PIBF1: variants seen among roughly 807,000 people sequenced by gnomAD.
PIBF1 encodes the protein progesterone immunomodulatory binding factor 1, also known as progesterone-induced-blocking factor 1.
In PIBF1, 90 loss-of-function variants were observed where a neutral mutation model predicts 112.5. That is an observed-to-expected ratio of 0.80 (90% CI 0.67 to 0.95). The LOEUF (loss-of-function observed/expected upper bound fraction) is 0.95. Among genes scored for constraint, PIBF1 ranks in the 40% least tolerant of loss-of-function variants. The pLI is 0.00. For synonymous variants in PIBF1, 301 were observed against 288.6 expected (o/e 1.04, Z -0.44); for missense variants, 915 against 852.3 (o/e 1.07, Z -0.92).
At chr13:72,909,738 C>A (rs1014530941) in intron 12 of PIBF1, among the ~76,000 whole-genome samples, 6 of 152,012 alleles carry the variant, frequency 3.9e-5, no homozygotes, top group Admixed American at 6.6e-5. Context: ...GTGATCTGCC[C>A]GCCTCGACCT....
At chr13:72,794,760 C>T (rs536292533) in intron 3 of PIBF1, among the ~76,000 whole-genome samples, 2 of 152,186 alleles carry the variant, frequency 1.3e-5, no homozygotes, top group African/African-American at 4.8e-5. Context: ...TCCAGTAAAC[C>T]TCTTTCCTTT....
intron 5 of PIBF1, among the ~76,000 whole-genome samples, chr13:72,802,558 T>A (rs904621675): frequency 4.6e-5 from 7 of 152,152 alleles, no homozygotes; most frequent in Admixed American, 3.9e-4. Flanking sequence ...AGGAGTCAAA[T>A]TAACTCTAAA....
chr13:72,928,042 T>TACAC (rs1464517375), intron 13 of PIBF1, among the ~76,000 whole-genome samples: 1 of 134,846 alleles, frequency 7.4e-6, no homozygotes, highest in South Asian at 2.2e-4. Flanking sequence ...TATATATATA[T>TACAC]ATACATATAT....
chr13:72,904,165 A>G (rs1444011323), intron 11 of PIBF1, among the ~76,000 whole-genome samples: 3 of 151,830 alleles, frequency 2.0e-5, no homozygotes, highest in East Asian at 1.9e-4. Context: ...TAATCTTCCA[A>G]TTTTCCTTTC....
rs149997839 is a variant in PIBF1, at chr13:72,933,617, G to C, written c.1833+2350G>C. On this transcript the variant is annotated intron_variant, in intron 14 of 17. Transcript: ENST00000326291. ...GCGGAGGTTGCAGTGAGCTGAGATCGTGCCATCGTACTCCAGCCTGGGCAA... is the reference window on the plus strand; with the variant it reads ...GCGGAGGTTGCAGTGAGCTGAGATCCTGCCATCGTACTCCAGCCTGGGCAA... 6.0e-4 allele frequency among the ~76,000 whole-genome samples: 92 copies of C among 152,318 alleles called. 2 individuals are homozygous for C. In the East Asian group the frequency reaches 0.017, roughly 28 times the overall value.
chr13:72,828,519 A>G (rs1156517744), intron 8 of PIBF1, among the ~76,000 whole-genome samples: 1 of 152,126 alleles, frequency 6.6e-6, no homozygotes. Flanking sequence ...GAGTGAGAAC[A>G]TACGGTGTTT....
At chr13:72,980,018 A>C (rs1407246095) in intron 16 of PIBF1, among the ~76,000 whole-genome samples, 1 of 152,138 alleles carries the variant, frequency 6.6e-6, no homozygotes. Flanking sequence ...ATGAGAATTG[A>C]TGCCTAGGTT....
intron 13 of PIBF1, among the ~76,000 whole-genome samples, chr13:72,924,464 A>G (rs867720682): frequency 2.0e-5 from 3 of 152,128 alleles, no homozygotes; most frequent in Non-Finnish European, 4.4e-5. Context: ...TCTCACGCCT[A>G]TAATCCCAGC....
At chr13:72,858,594 G>C (rs2038550447) in intron 10 of PIBF1, among the ~76,000 whole-genome samples, 1 of 152,154 alleles carries the variant, frequency 6.6e-6, no homozygotes, top group Non-Finnish European at 1.5e-5. Flanking sequence ...ATTGCTTCTG[G>C]AGAAGGAAAT....
intron 10 of PIBF1, among the ~76,000 whole-genome samples, chr13:72,886,079 ATTTCT>A (rs2039838884): frequency 6.6e-6 from 1 of 152,120 alleles, no homozygotes; most frequent in African/African-American, 2.4e-5. Flanking sequence ...TAGTAAATTC[ATTTCT>A]TTTCTTGAGC....
chr13:72,998,884 A>G lies in PIBF1; in HGVS notation c.2112A>G (p.Leu704=). The change falls in exon 17 of 18, where the codon TTA becomes TTG. Residue 704 remains leucine, a synonymous_variant. Coordinates refer to ENST00000326291, the MANE Select transcript of PIBF1 (RefSeq NM_006346.4). ...ATAGTAAACATTCTGAGAACAGCTT[A>G]CTTCTCACTAAAACAGAACCAAAAC... ...KMHSKHSENS[L]LLTKTEPKHV... 2 of 1,611,606 alleles carry G rather than the reference A, an allele frequency of 1.2e-6. No homozygotes were observed. The highest frequency in any genetic ancestry group is 1.7e-6 in the Non-Finnish European group (2 of 1,177,992).
chr13:72,859,002 T>C (rs891987704), intron 10 of PIBF1, among the ~76,000 whole-genome samples: 1 of 149,640 alleles, frequency 6.7e-6, no homozygotes, highest in Non-Finnish European at 1.5e-5. Context: ...TTAAGCAAAT[T>C]ACTTGACTTT....
chr13:72,854,006 C>T, intron 9 of PIBF1, 51 bp from the exon 10 acceptor site: 20 of 1,297,170 alleles, frequency 1.5e-5, no homozygotes, highest in Non-Finnish European at 2.2e-5. Context: ...TAAGAAAGAA[C>T]ATAGATAAAT....
Position 72,835,235 on chromosome 13 carries a change from C to A in PIBF1, c.1098-8C>A. 4.5e-6 allele frequency: 7 copies of A among 1,543,552 alleles called. No homozygotes were observed. The highest frequency in any genetic ancestry group is 1.3e-5 in the South Asian group (1 of 78,784). On this transcript the variant is annotated splice_region_variant and splice_polypyrimidine_tract_variant and intron_variant, in intron 8 of 17. Transcript: ENST00000326291. Reference sequence around the variant, plus strand: ...AAATTTATGGTTGTTCCTTTTCACTCCTTGCAGAGACCATTATAAAACAGA... The same window carrying A: ...AAATTTATGGTTGTTCCTTTTCACTACTTGCAGAGACCATTATAAAACAGA...
At chr13:72,881,716 G>GA (rs973383603) in intron 10 of PIBF1, among the ~76,000 whole-genome samples, 3,347 of 99,430 alleles carry the variant, frequency 0.034, 135 homozygotes, top group African/African-American at 0.11. Context: ...ACTCCATCTT[G>GA]AAAAAAAAAA....
intron 1 of PIBF1, among the ~76,000 whole-genome samples, chr13:72,782,690 G>C (rs535729607): frequency 5.3e-5 from 8 of 152,300 alleles, no homozygotes; most frequent in African/African-American, 1.7e-4. Flanking sequence ...AGAGTTAGAA[G>C]TAAGTTCTAT....
At chr13:72,865,098 C>T (rs903654569) in intron 10 of PIBF1, among the ~76,000 whole-genome samples, 36 of 151,922 alleles carry the variant, frequency 2.4e-4, no homozygotes, top group African/African-American at 8.0e-4. Flanking sequence ...TACATAAACC[C>T]TGTTAACATT....
At chr13:72,933,214 C>T (rs943618476) in intron 14 of PIBF1, among the ~76,000 whole-genome samples, 56 of 152,322 alleles carry the variant, frequency 3.7e-4, no homozygotes, top group African/African-American at 1.3e-3. Flanking sequence ...ACATGCCTTC[C>T]TGAGCATTTC....
chr13:72,939,683 C>CT (rs1302121951), intron 14 of PIBF1, among the ~76,000 whole-genome samples: 2 of 152,070 alleles, frequency 1.3e-5, no homozygotes, highest in Non-Finnish European at 2.9e-5. Context: ...AAAAGCGCTG[C>CT]TATGAACACG....
Sources: gnomAD v4.1 joint callset for allele counts (sites outside exome capture counted in the v4.1 genomes callset) on GRCh38, gnomAD v4.1.1 for gene constraint, MANE v1.5 for transcripts, NCBI Gene and HGNC (gene_info 2026-07-23, HGNC 2026-07-21) for gene names.